Variants in CCDC117 observed in about 807,000 individuals in gnomAD.
The protein encoded by CCDC117 is coiled-coil domain containing 117.
Under a neutral mutation model 23.5 loss-of-function variants are expected in CCDC117, and 1 was observed. That is an observed-to-expected ratio of 0.04 (90% CI 0.02 to 0.20). The LOEUF is 0.20. CCDC117 is among the 10% of genes least tolerant of loss of function. The probability of loss-of-function intolerance (pLI) is 1.00; values close to 1 mark genes in which losing one functional copy is unlikely to be tolerated. For synonymous variants in CCDC117, 132 were observed against 124.8 expected, an observed-to-expected ratio of 1.06 and a Z score of -0.39; for missense variants, 383 against 348.2, an observed-to-expected ratio of 1.10 and a Z score of -0.80.
chr22:28,773,832 G>A lies in CCDC117; in HGVS notation c.239+54G>A. ...TGTGGTCACCGTTAGTTGAACCCCT[G>A]TTATAGTCTAAATTACTTAAGTGAA... is the stretch of plus-strand genomic sequence containing the variant. On this transcript the variant is annotated intron_variant, in intron 2 of 4. Coordinates refer to ENST00000249064, the MANE Select transcript of CCDC117 (RefSeq NM_173510.4). 3 of 1,357,070 alleles carry A rather than the reference G, an allele frequency of 2.2e-6. No homozygotes were observed. In the South Asian group the frequency reaches 3.5e-5, roughly 16 times the overall value. 84.1% of individuals were successfully genotyped at this position (1,357,070 alleles called of 1,614,324 possible). A position where few individuals can be genotyped will look rare whatever the true frequency, so the allele number is the denominator to read the frequency against.
At position 28,786,604 on chromosome 22, in the gene CCDC117, T is replaced by A; in HGVS notation, c.*278T>A. On this transcript the variant is annotated 3_prime_UTR_variant, in exon 5 of 5. Transcript: ENST00000249064. ...CAAAGACAAGTATAGAAGCTGTATGTGTAAGGGTGACTTAAATCATATGTC... is the reference window on the plus strand; with the variant it reads ...CAAAGACAAGTATAGAAGCTGTATGAGTAAGGGTGACTTAAATCATATGTC... 5.9e-6 allele frequency: 2 copies of A among 336,670 alleles called. No homozygotes were observed. The highest frequency in any genetic ancestry group is 1.1e-5 in the Non-Finnish European group (2 of 182,478). 20.9% of individuals were successfully genotyped at this position (336,670 alleles called of 1,614,324 possible).
intron 3 of CCDC117, 91 bp downstream of exon 3, chr22:28,781,263 C>T (rs1281101180): frequency 4.4e-6 from 3 of 676,922 alleles, no homozygotes; most frequent in South Asian, 1.8e-5. Flanking sequence ...TTTGGTGATA[C>T]CTTGATCCTT....
intron 2 of CCDC117, among the ~76,000 whole-genome samples, chr22:28,777,112 C>T (rs577855591): frequency 1.5e-4 from 22 of 148,708 alleles, no homozygotes; most frequent in Non-Finnish European, 2.7e-4. Context: ...TCGGCTCCCT[C>T]GGCACAACCT....
intron 3 of CCDC117, 90 bp from the exon 4 acceptor site, chr22:28,783,418 T>A: frequency 7.6e-7 from 1 of 1,315,498 alleles, no homozygotes; most frequent in East Asian, 2.4e-5. Context: ...CTTTTATCCT[T>A]TTTTATTTTT....
At position 28,772,942 on chromosome 22, in the gene CCDC117, C is replaced by T; in HGVS notation, c.93C>T (p.Ala31=). ...CGCAGCCGGCCTTCCCCGGCCGGGC[C>T]TTCCCGCCGGGGGCTGACGGCGCCG... ...QPPQPAFPGR[A]FPPGADGAEL... The change falls in exon 1 of 5, where the codon GCC becomes GCT. Residue 31 remains alanine (A), a synonymous_variant. Coordinates refer to ENST00000249064, the MANE Select transcript of CCDC117 (RefSeq NM_173510.4). The T allele has an allele frequency of 8.2e-7, 1 of 1,219,088 alleles. No homozygotes were observed. Among genetic ancestry groups the T allele is most frequent in the Non-Finnish European group, 1.0e-6 (1 of 979,580 alleles). 75.5% of individuals were successfully genotyped at this position (1,219,088 alleles called of 1,614,324 possible). A position where few individuals can be genotyped will look rare whatever the true frequency, so the allele number is the denominator to read the frequency against.
chr22:28,781,802 C>T (rs2031345505), intron 3 of CCDC117, among the ~76,000 whole-genome samples: 1 of 152,028 alleles, frequency 6.6e-6, no homozygotes, highest in Admixed American at 6.6e-5. Context: ...CGCCACCACG[C>T]CTGGCTAATT....
chr22:28,777,658 C>T (rs1032351157), intron 2 of CCDC117, among the ~76,000 whole-genome samples: 1 of 151,666 alleles, frequency 6.6e-6, no homozygotes, highest in Non-Finnish European at 1.5e-5. Context: ...CACAGGCTTG[C>T]ACCTCCAGGC....
At chr22:28,784,972 A>G (rs1054117030) in intron 4 of CCDC117, among the ~76,000 whole-genome samples, 1 of 151,742 alleles carries the variant, frequency 6.6e-6, no homozygotes, top group Admixed American at 6.6e-5. Context: ...AGTTTTCACC[A>G]TGTTAGCCAG....
rs1385295054 is a variant in CCDC117, at chr22:28,788,905, A to T, written c.*2579A>T. 6.6e-6 allele frequency: 1 copy of T among 151,970 alleles called. No individual in the cohort carries two copies. Among genetic ancestry groups the T allele is most frequent in the African/African-American group, 2.4e-5 (1 of 41,182 alleles). 9.4% of individuals were successfully genotyped at this position (151,970 alleles called of 1,614,324 possible). A position where few individuals can be genotyped will look rare whatever the true frequency, so the allele number is the denominator to read the frequency against. On this transcript the variant is annotated 3_prime_UTR_variant, in exon 5 of 5. Transcript: ENST00000249064. ...GAGAAAAAATTCTCTAAAGCAGGTG[A>T]GCTTTAATGAACAAATGTGTATTTT...
intron 4 of CCDC117, among the ~76,000 whole-genome samples, chr22:28,784,149 A>G (rs2146255080): frequency 6.6e-6 from 1 of 152,334 alleles, no homozygotes; most frequent in African/African-American, 2.4e-5. Context: ...TAATCTAAAC[A>G]CAGTTTATGA....
rs1313300282 is a variant in CCDC117 at position 28,786,081 on chromosome 22, T to G, written c.603-8T>G. The G allele has an allele frequency of 1.3e-6, 2 of 1,578,810 alleles. No homozygotes were observed. Among genetic ancestry groups the G allele is most frequent in the South Asian group, 1.2e-5 (1 of 85,348 alleles). ...TTTTTTGATAAAAGTCTGTATTTTATGTCTTAGGAGCCGTCCTTCCATGGA... is the reference window on the plus strand; with the variant it reads ...TTTTTTGATAAAAGTCTGTATTTTAGGTCTTAGGAGCCGTCCTTCCATGGA... On this transcript the variant is annotated splice_polypyrimidine_tract_variant and splice_region_variant and intron_variant, in intron 4 of 4. Transcript: ENST00000249064.
chr22:28,782,378 C>T (rs2031374862), intron 3 of CCDC117, among the ~76,000 whole-genome samples: 1 of 151,410 alleles, frequency 6.6e-6, no homozygotes. Context: ...CTTGCCTCAG[C>T]CTCCTGAGTA....
chr22:28,773,007 G>A lies in CCDC117; in HGVS notation c.158G>A (p.Ser53Asn). Reference protein sequence around the residue: ...PRPGPRAVPSSPAGSAARGRV... With the variant: ...PRPGPRAVPSNPAGSAARGRV... ...CCGGGACCTCGCGCAGTCCCTAGCA[G>A]TCCCGCTGGGAGTGCGGCGCGCGGA... The change falls in exon 1 of 5, where the codon AGT (serine) becomes AAT (asparagine). Residue 53 changes from serine (S) to asparagine (N), a missense_variant. Transcript: ENST00000249064. 10 of 1,190,408 alleles carry A rather than the reference G, an allele frequency of 8.4e-6. No homozygotes were observed. The highest frequency in any genetic ancestry group is 1.0e-5 in the Non-Finnish European group (10 of 961,152). 73.7% of individuals were successfully genotyped at this position (1,190,408 alleles called of 1,614,324 possible).
chr22:28,773,033 C>T lies in CCDC117; in HGVS notation c.184C>T (p.Arg62Cys), dbSNP rs1443046869. The T allele has an allele frequency of 1.2e-5, 12 of 992,618 alleles. No individual in the cohort carries two copies. The highest frequency in any genetic ancestry group is 1.4e-5 in the Non-Finnish European group (11 of 801,234). The allele number at this position is 992,618 out of a possible 1,614,324, so 61.5% of individuals were successfully genotyped here. Residue 62 changes from arginine (R) to cysteine (C), a missense_variant and splice_region_variant, in exon 1 of 5, where the codon CGT becomes TGT. Coordinates refer to ENST00000249064, the MANE Select transcript of CCDC117 (RefSeq NM_173510.4). The part of the protein sequence containing the change: ...SSPAGSAARG[R>C]VSVHCKKKHK... Reference sequence around the variant, plus strand: ...TCCCGCTGGGAGTGCGGCGCGCGGACGGTGAGGAGCCCGTCGGGCGCAGGG... The same window carrying T: ...TCCCGCTGGGAGTGCGGCGCGCGGATGGTGAGGAGCCCGTCGGGCGCAGGG...
intron 2 of CCDC117, among the ~76,000 whole-genome samples, chr22:28,775,434 C>T (rs974768309): frequency 2.6e-5 from 4 of 152,102 alleles, no homozygotes; most frequent in African/African-American, 9.7e-5. Flanking sequence ...TGAATGATTT[C>T]CTTGACGTGG....
chr22:28,772,823 C>A lies in CCDC117; in HGVS notation c.-27C>A. 8.2e-7 allele frequency: 1 copy of A among 1,221,792 alleles called. No homozygotes were observed. The allele number at this position is 1,221,792 out of a possible 1,614,324, so 75.7% of individuals were successfully genotyped here. A position where few individuals can be genotyped will look rare whatever the true frequency, so the allele number is the denominator to read the frequency against. On this transcript the variant is annotated 5_prime_UTR_variant, in exon 1 of 5. Transcript: ENST00000249064. ...TGGGGACGCGGGCGGCCGAGGCCGC[C>A]GTCGCAGCCTCCTCGTCTCGCCGGC...
chr22:28,783,616 A>G lies in CCDC117; in HGVS notation c.573A>G (p.Glu191=), dbSNP rs17854014. The G allele has an allele frequency of 1.2e-6, 2 of 1,613,788 alleles. No individual in the cohort carries two copies. Among genetic ancestry groups the G allele is most frequent in the East Asian group, 4.5e-5 (2 of 44,856 alleles). ...CAGGTTTGAAGAGGGAATTTGATGA[A>G]GTTTTTACAAAGAAAATGATTGAGT... The part of the protein sequence containing the change: ...MKTGLKREFD[E]VFTKKMIESM... Residue 191 remains glutamate (E), a synonymous_variant, in exon 4 of 5, where the codon GAA becomes GAG. Transcript: ENST00000249064.
At chr22:28,782,649 G>A (rs1169434619) in intron 3 of CCDC117, among the ~76,000 whole-genome samples, 1 of 152,108 alleles carries the variant, frequency 6.6e-6, no homozygotes, top group Non-Finnish European at 1.5e-5. Context: ...ACGTTGGCCA[G>A]GCTGGTCTCG....
Position 28,788,029 on chromosome 22 carries a change from T to G in CCDC117, c.*1703T>G, listed in dbSNP as rs2031569496. 6.6e-6 allele frequency: 1 copy of G among 152,664 alleles called. No homozygotes were observed. The highest frequency in any genetic ancestry group is 1.5e-5 in the Non-Finnish European group (1 of 68,050). The allele number at this position is 152,664 out of a possible 1,614,324, so 9.5% of individuals were successfully genotyped here. A position where few individuals can be genotyped will look rare whatever the true frequency, so the allele number is the denominator to read the frequency against. On this transcript the variant is annotated 3_prime_UTR_variant, in exon 5 of 5. Transcript: ENST00000249064. ...GTTGCTTCTTTGCCTGTTCCTGCTT[T>G]CTCTTTCTGTCTGGATAGTCAGGAA...
Sources: gnomAD v4.1 joint callset for allele counts (sites outside exome capture counted in the v4.1 genomes callset) on GRCh38, gnomAD v4.1.1 for gene constraint, MANE v1.5 for transcripts, NCBI Gene and HGNC (gene_info 2026-07-23, HGNC 2026-07-21) for gene names.